SPPL2A: variants seen among roughly 807,000 people sequenced by gnomAD.
SPPL2A encodes signal peptide peptidase-like 2A.
SPPL2A carries 51 observed loss-of-function variants against 63.8 expected under a neutral mutation model. The ratio of observed to expected loss-of-function variants is 0.80; its 90% CI spans 0.64 to 1.01. The LOEUF is 1.01. Among genes scored for constraint, SPPL2A ranks in the 50% least tolerant of loss-of-function variants. The pLI is 0.00. For synonymous variants in SPPL2A, 188 were observed against 205.8 expected, an observed-to-expected ratio of 0.91 and a Z score of 0.74; for missense variants, 553 against 622.7, an observed-to-expected ratio of 0.89 and a Z score of 1.19.
intron 1 of SPPL2A, among the ~76,000 whole-genome samples, chr15:50,753,084 A>C (rs1555444774): frequency 6.6e-6 from 1 of 152,214 alleles, no homozygotes; most frequent in Non-Finnish European, 1.5e-5. Context: ...TCCACCAATA[A>C]GGTAACTGTT....
At chr15:50,749,582 A>T in intron 2 of SPPL2A, 54 bp downstream of exon 2, 1 of 1,197,570 alleles carries the variant, frequency 8.4e-7, no homozygotes, top group Non-Finnish European at 1.2e-6. Flanking sequence ...CACCGTGCCC[A>T]GCCTCCTTCT....
At chr15:50,729,426 C>T (rs2062713413) in intron 10 of SPPL2A, among the ~76,000 whole-genome samples, 1 of 152,152 alleles carries the variant, frequency 6.6e-6, no homozygotes, top group Non-Finnish European at 1.5e-5. Flanking sequence ...CATATGCCAG[C>T]TTGGGCAATA....
At chr15:50,764,878 G>A (rs1026812725) in intron 1 of SPPL2A, among the ~76,000 whole-genome samples, 6 of 150,270 alleles carry the variant, frequency 4.0e-5, no homozygotes, top group Non-Finnish European at 7.4e-5. Context: ...TCTTTTAAAA[G>A]TTATTTTAAA....
rs575106142 is a variant in SPPL2A at position 50,734,079 on chromosome 15, T to C, written c.933-1395A>G. ...TTACCACAGCCACTATGAAGAACAGTATGGAAATTCCTCAAAAAAACTAAA... is the reference window on the plus strand; with the variant it reads ...TTACCACAGCCACTATGAAGAACAGCATGGAAATTCCTCAAAAAAACTAAA... On this transcript the variant is annotated intron_variant, in intron 8 of 14. Coordinates refer to ENST00000261854, the MANE Select transcript of SPPL2A (RefSeq NM_032802.4). 2.0e-5 allele frequency among the ~76,000 whole-genome samples: 3 copies of C among 152,232 alleles called. No individual in the cohort carries two copies. The South Asian group carries it at 6.2e-4, about 32-fold the overall frequency.
In SPPL2A at chr15:50,703,366, T is replaced by C. The variant is rs1262997040; in HGVS notation, c.*4434A>G. ...TATATACATATATATATTTTTTTTT[T>C]TTTTTTTTTTTTTTGAGATGGAGTC... On this transcript the variant is annotated 3_prime_UTR_variant, in exon 15 of 15. Transcript: ENST00000261854. The C allele has an allele frequency of 5.3e-5, 6 of 113,750 alleles. No individual in the cohort carries two copies. Among genetic ancestry groups the C allele is most frequent in the Admixed American group, 8.9e-5 (1 of 11,234 alleles). 7.0% of individuals were successfully genotyped at this position (113,750 alleles called of 1,614,324 possible). A position where few individuals can be genotyped will look rare whatever the true frequency, so the allele number is the denominator to read the frequency against.
chr15:50,764,117 T>G (rs1030647952), intron 1 of SPPL2A, among the ~76,000 whole-genome samples: 1 of 152,180 alleles, frequency 6.6e-6, no homozygotes, highest in Non-Finnish European at 1.5e-5. Context: ...AGCTATTAAT[T>G]TATGTTGAGA....
chr15:50,707,700 C>A lies in SPPL2A; in HGVS notation c.*100G>T. 1.5e-6 allele frequency: 1 copy of A among 669,476 alleles called. No homozygotes were observed. 41.5% of individuals were successfully genotyped at this position (669,476 alleles called of 1,614,324 possible). ...TAAAAATATATTTTTGCAAGCATAT[C>A]ATTGAAGACTCTTTCAGATTGTCAA... On this transcript the variant is annotated 3_prime_UTR_variant, in exon 15 of 15. Transcript: ENST00000261854.
intron 10 of SPPL2A, among the ~76,000 whole-genome samples, chr15:50,728,817 A>AT (rs534318500): frequency 0.38 from 51,554 of 135,964 alleles, 9,986 homozygotes; most frequent in East Asian, 0.54. Context: ...TGATTATTGT[A>AT]TTTTTTTTTT....
intron 14 of SPPL2A, among the ~76,000 whole-genome samples, chr15:50,719,135 G>A (rs772574778): frequency 5.3e-5 from 8 of 152,068 alleles, no homozygotes; most frequent in Non-Finnish European, 8.8e-5. Context: ...AAGAGACCTT[G>A]GTATCAAGAT....
At chr15:50,726,109 C>A in intron 11 of SPPL2A, 1 of 1,510,226 alleles carries the variant, frequency 6.6e-7, no homozygotes. Flanking sequence ...CAGTGGCTTC[C>A]ACCAAGTTTC....
chr15:50,749,341 G>A (rs2062886634), intron 2 of SPPL2A, among the ~76,000 whole-genome samples: 2 of 151,970 alleles, frequency 1.3e-5, no homozygotes, highest in South Asian at 2.1e-4. Flanking sequence ...AGGCTGGAGT[G>A]CAGTGGCATG....
At chr15:50,728,318 T>C (rs1455230030) in intron 10 of SPPL2A, among the ~76,000 whole-genome samples, 1 of 152,230 alleles carries the variant, frequency 6.6e-6, no homozygotes, top group African/African-American at 2.4e-5. Flanking sequence ...AATACCCTAA[T>C]AAATTAACAA....
chr15:50,725,195 TAAC>T, intron 12 of SPPL2A, 23 bp downstream of exon 12: 1 of 1,277,146 alleles, frequency 7.8e-7, no homozygotes, highest in Non-Finnish European at 1.1e-6. Flanking sequence ...TTTTTTTTTT[TAAC>T]TAAAATTGTT....
At chr15:50,738,152 C>G (rs1432464504) in intron 6 of SPPL2A, among the ~76,000 whole-genome samples, 2 of 151,956 alleles carry the variant, frequency 1.3e-5, no homozygotes, top group South Asian at 2.1e-4. Flanking sequence ...CCACTGCACT[C>G]CAGCCTGGGT....
rs528653382 is a variant in SPPL2A, at chr15:50,749,963, G to A, written c.67-217C>T. On this transcript the variant is annotated intron_variant, in intron 1 of 14. Coordinates refer to ENST00000261854, the MANE Select transcript of SPPL2A (RefSeq NM_032802.4). ...AGCACACCTTCTTTAAGGAAGATAG[G>A]TCACTTTCTTAAGGGAGTAACAATT... The A allele has an allele frequency of 2.7e-3, 1,498 of 561,454 alleles. 4 individuals are homozygous for A. The highest frequency in any genetic ancestry group is 3.0e-3 in the Non-Finnish European group (942 of 316,276). 34.8% of individuals were successfully genotyped at this position (561,454 alleles called of 1,614,324 possible).
At chr15:50,741,570 T>C (rs1229906247) in intron 5 of SPPL2A, among the ~76,000 whole-genome samples, 4 of 151,762 alleles carry the variant, frequency 2.6e-5, no homozygotes, top group African/African-American at 9.7e-5. Flanking sequence ...AGTATACATA[T>C]GAGCCATAAT....
At position 50,735,561 on chromosome 15, in the gene SPPL2A, AC is replaced by A. The variant is rs1195869243; in HGVS notation, c.932+539del. Among the ~76,000 whole-genome samples the A allele has an allele frequency of 1.2e-4, 18 of 151,882 alleles. No individual in the cohort carries two copies. In the East Asian group the frequency reaches 3.5e-3, roughly 29 times the overall value. On this transcript the variant is annotated intron_variant, in intron 8 of 14. Coordinates refer to ENST00000261854, the MANE Select transcript of SPPL2A (RefSeq NM_032802.4). ...TATATACATACACACACACACACAC[AC>A]ACACATATTTTTTTGAGATAGAGTT...
At chr15:50,752,629 A>T (rs184732802) in intron 1 of SPPL2A, among the ~76,000 whole-genome samples, 2 of 152,034 alleles carry the variant, frequency 1.3e-5, no homozygotes, top group Non-Finnish European at 2.9e-5. Flanking sequence ...GAGGCAGGAA[A>T]ATTGCTTGAA....
chr15:50,725,905 C>CTT (rs906480961), intron 11 of SPPL2A: 10 of 301,852 alleles, frequency 3.3e-5, no homozygotes, highest in East Asian at 1.6e-4. Context: ...CACATTTAAC[C>CTT]TTTTTTTTTT....
Sources: allele counts gnomAD v4.1 joint callset (sites outside exome capture counted in the v4.1 genomes callset), GRCh38; gene constraint gnomAD v4.1.1; transcripts MANE v1.5; gene names NCBI Gene and HGNC (gene_info 2026-07-23, HGNC 2026-07-21).